FOXO3: variants seen among roughly 807,000 people sequenced by gnomAD.
FOXO3 encodes the protein forkhead box protein O3.
In FOXO3, 4 loss-of-function variants were observed where a neutral mutation model predicts 41.9. The observed-to-expected ratio is 0.10, with a 90% CI of 0.05 to 0.22. The LOEUF is 0.22. Among genes scored for constraint, FOXO3 ranks in the 10% least tolerant of loss-of-function variants. The pLI is 1.00. For synonymous variants in FOXO3, 318 were observed against 389.3 expected, an observed-to-expected ratio of 0.82 and a Z score of 2.16; for missense variants, 534 against 906.8, an observed-to-expected ratio of 0.59 and a Z score of 5.28.
intron 1 of FOXO3, among the ~76,000 whole-genome samples, chr6:108,616,051 A>C (rs999386478): frequency 6.6e-6 from 1 of 150,978 alleles, no homozygotes; most frequent in Non-Finnish European, 1.5e-5. Flanking sequence ...GCAATGGCGC[A>C]ATCTTGGCTC....
chr6:108,658,880 G>GT lies in FOXO3; in HGVS notation c.622-4568dup, dbSNP rs573029288. Among the ~76,000 whole-genome samples, 6 of 150,954 alleles carry GT rather than the reference G, an allele frequency of 4.0e-5. No homozygotes were observed. In the East Asian group the frequency reaches 5.9e-4, roughly 15 times the overall value. ...TTTGTTTGCTTTTTGGGGTTTTTGTGTTTTTTTGTTTGTTTGTTTTTTGAG... is the reference window on the plus strand; with the variant it reads ...TTTGTTTGCTTTTTGGGGTTTTTGTGTTTTTTTTGTTTGTTTGTTTTTTGAG... On this transcript the variant is annotated intron_variant, in intron 1 of 2. Coordinates refer to ENST00000406360, the MANE Select transcript of FOXO3 (RefSeq NM_001455.4).
rs145255656 is a variant in FOXO3, at chr6:108,585,662, C to T, written c.621+23833C>T. Among the ~76,000 whole-genome samples the T allele has an allele frequency of 5.0e-4, 76 of 152,296 alleles. 1 individual carries two copies. In the East Asian group the frequency reaches 5.0e-3, roughly 10 times the overall value. The stretch of plus-strand genomic sequence containing the variant: ...GTCTGCAAGGTGTGCCCCATGCTTT[C>T]CTTCAATGTAGAGATGCCTTTTACC... On this transcript the variant is annotated intron_variant, in intron 1 of 2. Coordinates refer to ENST00000406360, the MANE Select transcript of FOXO3 (RefSeq NM_001455.4).
At chr6:108,678,890 T>TTTTTTTTTTTTTTC (rs368405598) in intron 2 of FOXO3, among the ~76,000 whole-genome samples, 4 of 115,416 alleles carry the variant, frequency 3.5e-5, no homozygotes, top group Non-Finnish European at 5.4e-5. Flanking sequence ...TTTTTTTTTT[T>TTTTTTTTTTTTTTC]TGAGACGGAG....
At chr6:108,621,918 A>G (rs919961899) in intron 1 of FOXO3, among the ~76,000 whole-genome samples, 3 of 152,078 alleles carry the variant, frequency 2.0e-5, no homozygotes, top group Non-Finnish European at 4.4e-5. Context: ...TCAGGCAGCT[A>G]AGGAGTAACT....
At chr6:108,661,464 G>A (rs1778860862) in intron 1 of FOXO3, among the ~76,000 whole-genome samples, 1 of 152,142 alleles carries the variant, frequency 6.6e-6, no homozygotes, top group African/African-American at 2.4e-5. Context: ...GGAGCATACA[G>A]ATTCATCAGC....
intron 1 of FOXO3, among the ~76,000 whole-genome samples, chr6:108,645,289 T>C (rs1778365346): frequency 6.6e-6 from 1 of 152,166 alleles, no homozygotes; most frequent in Non-Finnish European, 1.5e-5. Flanking sequence ...TTTGTGAAAA[T>C]TGTTGCTAAG....
chr6:108,599,762 C>T (rs1776990989), intron 1 of FOXO3, among the ~76,000 whole-genome samples: 2 of 152,198 alleles, frequency 1.3e-5, no homozygotes, highest in Non-Finnish European at 2.9e-5. Context: ...CACCATATAT[C>T]ATCGTTTCTG....
At chr6:108,620,676 CT>C (rs1175564611) in intron 1 of FOXO3, among the ~76,000 whole-genome samples, 1 of 34,772 alleles carries the variant, frequency 2.9e-5, no homozygotes, top group African/African-American at 4.5e-5. Context: ...TAACAATTTT[CT>C]TTTATTTTTC....
At chr6:108,593,143 C>T (rs1053445645) in intron 1 of FOXO3, among the ~76,000 whole-genome samples, 12 of 152,118 alleles carry the variant, frequency 7.9e-5, no homozygotes, top group Non-Finnish European at 1.8e-4. Context: ...GGACTTGGTA[C>T]AAGTGTTTTT....
At position 108,644,849 on chromosome 6, in the gene FOXO3, A is replaced by G. The variant is rs150853107; in HGVS notation, c.622-18606A>G. Among the ~76,000 whole-genome samples, 52 of 152,268 alleles carry G rather than the reference A, an allele frequency of 3.4e-4. No individual in the cohort carries two copies. In the East Asian group the frequency reaches 9.6e-3, roughly 28 times the overall value. On this transcript the variant is annotated intron_variant, in intron 1 of 2. Coordinates refer to ENST00000406360, the MANE Select transcript of FOXO3 (RefSeq NM_001455.4). ...GTATCCTGTTGTTTTCCTTCAGAGC[A>G]CTTTTCACAATTTGTAATTATGTAT...
intron 1 of FOXO3, among the ~76,000 whole-genome samples, chr6:108,589,975 T>A (rs1049694425): frequency 1.3e-5 from 2 of 152,200 alleles, no homozygotes; most frequent in Non-Finnish European, 2.9e-5. Context: ...TTATCCTCGA[T>A]CACGTTATGG....
In FOXO3 at chr6:108,664,022, C is replaced by T. The variant is rs1198837909; in HGVS notation, c.1189C>T (p.Pro397Ser). ...CGACCTGCTGGATAACATCACGCTC[C>T]CGCCATCCCAGCCATCGCCCACTGG... ...MDDLLDNITL[P>S]PSQPSPTGGL... The change falls in exon 2 of 3, where the codon CCG (proline) becomes TCG (serine). Residue 397 changes from proline (P) to serine (S), a missense_variant. Physicochemically the swap from Pro to Ser is moderately conservative, Grantham distance 74 (BLOSUM62 -1). Transcript: ENST00000406360. The T allele has an allele frequency of 6.2e-7, 1 of 1,614,160 alleles. No homozygotes were observed. Among genetic ancestry groups the T allele is most frequent in the East Asian group, 2.2e-5 (1 of 44,868 alleles).
intron 1 of FOXO3, among the ~76,000 whole-genome samples, chr6:108,568,080 G>A (rs1473075476): frequency 2.0e-5 from 3 of 151,924 alleles, no homozygotes; most frequent in Non-Finnish European, 4.4e-5. Flanking sequence ...TGTTGTGGTG[G>A]TGCATGCCTG....
chr6:108,645,667 C>G (rs1015625622), intron 1 of FOXO3, among the ~76,000 whole-genome samples: 1 of 152,152 alleles, frequency 6.6e-6, no homozygotes. Context: ...AGCACACATA[C>G]AAGTCATTCA....
At chr6:108,579,901 C>T (rs1425314469) in intron 1 of FOXO3, among the ~76,000 whole-genome samples, 1 of 152,082 alleles carries the variant, frequency 6.6e-6, no homozygotes, top group Non-Finnish European at 1.5e-5. Context: ...CTTAAGGAGG[C>T]TATAGAGGAG....
intron 1 of FOXO3, among the ~76,000 whole-genome samples, chr6:108,591,757 C>T (rs1009213759): frequency 1.3e-5 from 2 of 151,984 alleles, no homozygotes; most frequent in South Asian, 2.1e-4. Flanking sequence ...TTTCTGAAGC[C>T]GAGATTTTGG....
intron 1 of FOXO3, among the ~76,000 whole-genome samples, chr6:108,585,022 CTTTTTTTTTTTTTTTTTTTT>C (rs1159028928): frequency 3.9e-5 from 2 of 51,520 alleles, no homozygotes; most frequent in South Asian, 1.0e-3. Context: ...TCTCCAAAAT[CTTTTTTTTTTTTTTTTTTTT>C]TTTTTTTTTT....
intron 1 of FOXO3, among the ~76,000 whole-genome samples, chr6:108,634,173 C>A (rs1430934279): frequency 6.6e-6 from 1 of 152,126 alleles, no homozygotes; most frequent in Non-Finnish European, 1.5e-5. Context: ...CAACAGGAGG[C>A]ATGAAAGAAA....
intron 1 of FOXO3, among the ~76,000 whole-genome samples, chr6:108,618,513 T>C (rs1777577138): frequency 6.6e-6 from 1 of 152,254 alleles, no homozygotes; most frequent in Non-Finnish European, 1.5e-5. Context: ...TGGTATCGTT[T>C]TGAAGCTAGC....
Sources: allele counts gnomAD v4.1 joint callset (sites outside exome capture counted in the v4.1 genomes callset), GRCh38; gene constraint gnomAD v4.1.1; transcripts MANE v1.5; gene names NCBI Gene and HGNC (gene_info 2026-07-23, HGNC 2026-07-21).